ANO1: variants seen among roughly 807,000 people sequenced by gnomAD.
ANO1 encodes the protein anoctamin 1, also known as anoctamin-1.
A neutral mutation model predicts 124.0 loss-of-function variants in ANO1; 59 were observed. The ratio of observed to expected loss-of-function variants is 0.48; its 90% CI spans 0.39 to 0.59. The LOEUF (loss-of-function observed/expected upper bound fraction) is 0.59. Among genes scored for constraint, ANO1 ranks in the 20% least tolerant of loss-of-function variants. The pLI, the probability that ANO1 is intolerant of heterozygous loss-of-function variation, is 0.00. For missense variants in ANO1, 1,059 were observed against 1,328.0 expected, an observed-to-expected ratio of 0.80 and a Z score of 3.15; for synonymous variants, 529 against 532.0, an observed-to-expected ratio of 0.99 and a Z score of 0.08.
chr11:70,054,888 A>G (rs1857409657), intron 1 of ANO1, among the ~76,000 whole-genome samples: 2 of 152,218 alleles, frequency 1.3e-5, no homozygotes, highest in South Asian at 4.1e-4. Context: ...TTAGGGCTGT[A>G]CAATTATTTT....
At chr11:70,110,702 A>G (rs2045742021) in intron 6 of ANO1, among the ~76,000 whole-genome samples, 1 of 152,048 alleles carries the variant, frequency 6.6e-6, no homozygotes, top group Non-Finnish European at 1.5e-5. Flanking sequence ...GCTGTGAAAA[A>G]CTTAACGCTC....
intron 1 of ANO1, among the ~76,000 whole-genome samples, chr11:70,026,251 A>AATG (rs150618791): frequency 2.8e-5 from 4 of 141,534 alleles, no homozygotes; most frequent in South Asian, 2.3e-4. Flanking sequence ...TGGTGATGAC[A>AATG]ATGATGATGA....
chr11:70,127,902 A>T (rs992175489), intron 10 of ANO1, among the ~76,000 whole-genome samples: 6 of 152,236 alleles, frequency 3.9e-5, no homozygotes, highest in South Asian at 2.1e-4. Flanking sequence ...ATAAAGGGGA[A>T]TTTGGGCTGA....
At chr11:70,091,706 G>A (rs1334327442) in intron 2 of ANO1, among the ~76,000 whole-genome samples, 3 of 152,208 alleles carry the variant, frequency 2.0e-5, no homozygotes, top group Non-Finnish European at 2.9e-5. Flanking sequence ...GCCACTGGCT[G>A]TGCAGGTGTG....
intron 19 of ANO1, among the ~76,000 whole-genome samples, chr11:70,163,867 G>C (rs1177232232): frequency 6.6e-6 from 1 of 151,624 alleles, no homozygotes; most frequent in Non-Finnish European, 1.5e-5. Flanking sequence ...GAACCTGGAA[G>C]ATGGAGGTTG....
At chr11:70,133,385 AT>A (rs532455842) in intron 11 of ANO1, among the ~76,000 whole-genome samples, 11 of 152,124 alleles carry the variant, frequency 7.2e-5, no homozygotes, top group Non-Finnish European at 1.6e-4. Flanking sequence ...ATGGCCTGTG[AT>A]TCCGGCTCAG....
intron 10 of ANO1, among the ~76,000 whole-genome samples, chr11:70,127,292 C>T (rs1221332864): frequency 6.6e-6 from 1 of 152,158 alleles, no homozygotes; most frequent in East Asian, 1.9e-4. Context: ...GTAGGTTCCA[C>T]CTGCCCAGCT....
chr11:70,147,599 G>A (rs1013029314), intron 11 of ANO1, among the ~76,000 whole-genome samples: 5 of 152,238 alleles, frequency 3.3e-5, no homozygotes, highest in African/African-American at 1.2e-4. Context: ...AGTAGGTTCA[G>A]CCAGTGGGAA....
At position 70,118,150 on chromosome 11, in the gene ANO1, C is replaced by G. The variant is rs146145389; in HGVS notation, c.897+1651C>G. ...TGGACACCAGTAGTCCCTTTCTAGC[C>G]GAATTCAGTTCTCTGGGTCACAGGC... On this transcript the variant is annotated intron_variant, in intron 8 of 25. Transcript: ENST00000355303. Among the ~76,000 whole-genome samples, 110 of 152,168 alleles carry G rather than the reference C, an allele frequency of 7.2e-4. 1 individual carries two copies. The highest frequency in any genetic ancestry group is 2.2e-3 in the African/African-American group (91 of 41,524).
chr11:70,181,188 A>C (rs189401125), intron 23 of ANO1, among the ~76,000 whole-genome samples: 287 of 152,308 alleles, frequency 1.9e-3, no homozygotes, highest in African/African-American at 6.7e-3. Context: ...GGCTGAGCCC[A>C]ATCCTCCCCG....
At chr11:70,059,392 TAGA>T in intron 1 of ANO1, among the ~76,000 whole-genome samples, 1 of 140,464 alleles carries the variant, frequency 7.1e-6, no homozygotes, top group South Asian at 2.4e-4. Flanking sequence ...TCAGATTGAA[TAGA>T]AGTAGGGAGG....
At chr11:69,973,601 C>A in the ANO1 span, among the ~76,000 whole-genome samples, 1 of 151,996 alleles carries the variant, frequency 6.6e-6, no homozygotes, top group Non-Finnish European at 1.5e-5. Context: ...TAGCCGGGCG[C>A]GGTGGCTCAT....
chr11:70,081,062 C>T (rs963763651), intron 1 of ANO1, among the ~76,000 whole-genome samples: 1 of 152,240 alleles, frequency 6.6e-6, no homozygotes, highest in Admixed American at 6.5e-5. Context: ...CTCATACATG[C>T]ACAAGTCAAC....
intron 8 of ANO1, 190 bp downstream of exon 8, chr11:70,116,689 C>T: frequency 7.0e-6 from 4 of 573,236 alleles, no homozygotes; most frequent in Non-Finnish European, 1.2e-5. Context: ...CTTTGTGTGG[C>T]TGGTTTGTTT....
At chr11:70,103,853 G>A (rs1053360728) in intron 3 of ANO1, 146 bp from the exon 4 acceptor site, 2 of 777,048 alleles carry the variant, frequency 2.6e-6, no homozygotes, top group Admixed American at 6.0e-5. Context: ...GGGGTGGGGC[G>A]GTGCATTCTG....
At chr11:70,023,779 G>A (rs1319803347) in intron 1 of ANO1, among the ~76,000 whole-genome samples, 1 of 152,340 alleles carries the variant, frequency 6.6e-6, no homozygotes, top group East Asian at 1.9e-4. Flanking sequence ...AGGAGTGTGT[G>A]TCTTTATCCC....
chr11:70,001,773 A>ATGTGTG (rs140043461), intron 1 of ANO1, among the ~76,000 whole-genome samples: 7 of 150,360 alleles, frequency 4.7e-5, no homozygotes, highest in East Asian at 3.9e-4. Flanking sequence ...CTTCAATAAG[A>ATGTGTG]TGTGTGTGTG....
At chr11:70,099,017 T>C (rs2045138075) in intron 2 of ANO1, among the ~76,000 whole-genome samples, 1 of 152,162 alleles carries the variant, frequency 6.6e-6, no homozygotes, top group South Asian at 2.1e-4. Context: ...CTGCCCCCTC[T>C]GGTTGGGGGC....
chr11:70,000,496 AT>A (rs11313365), intron 1 of ANO1, among the ~76,000 whole-genome samples: 74,170 of 151,864 alleles, frequency 0.49, 19,345 homozygotes, highest in East Asian at 0.89. Context: ...AGGGGCTGAA[AT>A]TTCAAAGCGC....
Sources: gnomAD v4.1 joint callset for allele counts (sites outside exome capture counted in the v4.1 genomes callset) on GRCh38, gnomAD v4.1.1 for gene constraint, MANE v1.5 for transcripts, NCBI Gene and HGNC (gene_info 2026-07-23, HGNC 2026-07-21) for gene names.